PPM1H: variants seen among roughly 807,000 people sequenced by gnomAD.
PPM1H encodes the protein protein phosphatase, Mg2+/Mn2+ dependent 1H, also known as protein phosphatase 1H.
In PPM1H, 27 loss-of-function variants were observed where a neutral mutation model predicts 54.9. That is an observed-to-expected ratio of 0.49 (90% confidence interval 0.36 to 0.68). PPM1H has a LOEUF of 0.68. Ranked by LOEUF, PPM1H falls within the 30% of genes least tolerant of loss-of-function variation. The pLI, the probability that PPM1H is intolerant of heterozygous loss-of-function variation, is 0.00. For synonymous variants in PPM1H, 305 were observed against 270.8 expected (o/e 1.13, Z -1.24); for missense variants, 596 against 667.8 (o/e 0.89, Z 1.19).
intron 1 of PPM1H, among the ~76,000 whole-genome samples, chr12:62,885,800 T>G (rs1236431294): frequency 6.6e-6 from 1 of 152,262 alleles, no homozygotes; most frequent in East Asian, 1.9e-4. Flanking sequence ...TCATGTGCTG[T>G]GAATTAACAC....
intron 4 of PPM1H, among the ~76,000 whole-genome samples, chr12:62,773,474 CTAAAAATTTTTTTTAA>C (rs2076590715): frequency 6.6e-6 from 1 of 152,018 alleles, no homozygotes; most frequent in South Asian, 2.1e-4. Flanking sequence ...AACCCTGTCT[CTAAAAATTTTTTTTAA>C]TAAAAATTTT....
intron 8 of PPM1H, among the ~76,000 whole-genome samples, chr12:62,670,879 C>T (rs374290908): frequency 1.3e-5 from 2 of 152,190 alleles, no homozygotes; most frequent in South Asian, 2.1e-4. Flanking sequence ...GTTTCCTGCC[C>T]TTTAGCCAAT....
intron 4 of PPM1H, among the ~76,000 whole-genome samples, chr12:62,767,607 G>T (rs550599080): frequency 6.6e-6 from 1 of 152,296 alleles, no homozygotes; most frequent in African/African-American, 2.4e-5. Flanking sequence ...ATCCTGGTTT[G>T]TCAACTTCCA....
intron 1 of PPM1H, among the ~76,000 whole-genome samples, chr12:62,840,884 G>A (rs1156333670): frequency 5.9e-5 from 9 of 151,916 alleles, no homozygotes; most frequent in Admixed American, 5.9e-4. Flanking sequence ...GGGTTCTAGA[G>A]GACAAATGAC....
chr12:62,837,826 A>G (rs886357351), intron 1 of PPM1H, among the ~76,000 whole-genome samples: 2 of 152,200 alleles, frequency 1.3e-5, no homozygotes, highest in Non-Finnish European at 2.9e-5. Context: ...CATGCGAGTT[A>G]GAGGAGCATC....
chr12:62,742,677 G>C (rs555873667), intron 4 of PPM1H, among the ~76,000 whole-genome samples: 1 of 152,210 alleles, frequency 6.6e-6, no homozygotes, highest in Non-Finnish European at 1.5e-5. Context: ...TGGCTGCGAG[G>C]GTGCAGGAGA....
At chr12:62,737,229 A>C (rs1413329267) in intron 5 of PPM1H, among the ~76,000 whole-genome samples, 1 of 151,260 alleles carries the variant, frequency 6.6e-6, no homozygotes, top group Non-Finnish European at 1.5e-5. Flanking sequence ...AAAAAAAAAA[A>C]AAACAAAAAA....
At chr12:62,774,582 T>C (rs1179461797) in intron 4 of PPM1H, among the ~76,000 whole-genome samples, 1 of 152,172 alleles carries the variant, frequency 6.6e-6, no homozygotes, top group African/African-American at 2.4e-5. Flanking sequence ...ACTCAAATTA[T>C]TCTCCTGCTT....
chr12:62,830,197 G>T (rs1868335170), intron 2 of PPM1H, among the ~76,000 whole-genome samples: 1 of 152,066 alleles, frequency 6.6e-6, no homozygotes, highest in South Asian at 2.1e-4. Flanking sequence ...TTTCCAATCA[G>T]CCTCCTTCTA....
At chr12:62,794,401 T>TTTG (rs992415143) in intron 3 of PPM1H, among the ~76,000 whole-genome samples, 29 of 152,242 alleles carry the variant, frequency 1.9e-4, no homozygotes, top group Admixed American at 1.8e-3. Flanking sequence ...TCACCATGTA[T>TTTG]TTATAAGGTT....
chr12:62,780,560 C>T (rs2076636039), intron 4 of PPM1H, among the ~76,000 whole-genome samples: 1 of 152,188 alleles, frequency 6.6e-6, no homozygotes, highest in Admixed American at 6.5e-5. Context: ...CCTGCCTTGG[C>T]CTCCTAAAGT....
intron 1 of PPM1H, among the ~76,000 whole-genome samples, chr12:62,918,611 C>T (rs895659719): frequency 2.0e-5 from 3 of 151,964 alleles, no homozygotes; most frequent in African/African-American, 7.3e-5. Context: ...AGTATTTTTC[C>T]CAGAAAAATG....
At chr12:62,714,490 C>T (rs1334329083) in intron 6 of PPM1H, among the ~76,000 whole-genome samples, 1 of 152,168 alleles carries the variant, frequency 6.6e-6, no homozygotes, top group Non-Finnish European at 1.5e-5. Flanking sequence ...AAATAAAACA[C>T]TGCCATCTCT....
intron 1 of PPM1H, among the ~76,000 whole-genome samples, chr12:62,851,860 A>G (rs1258948156): frequency 6.6e-6 from 1 of 152,174 alleles, no homozygotes; most frequent in East Asian, 1.9e-4. Flanking sequence ...TTAATAAAGT[A>G]CTATGGACTG....
At chr12:62,671,421 T>G (rs1033561201) in intron 8 of PPM1H, among the ~76,000 whole-genome samples, 9 of 152,150 alleles carry the variant, frequency 5.9e-5, no homozygotes, top group African/African-American at 1.9e-4. Flanking sequence ...AGCTAAAAAA[T>G]GGGACCTGTG....
chr12:62,796,778 C>T (rs2076737005), intron 3 of PPM1H, among the ~76,000 whole-genome samples: 2 of 152,334 alleles, frequency 1.3e-5, no homozygotes, highest in South Asian at 2.1e-4. Context: ...CGCGCACACA[C>T]ACACACAAAT....
intron 2 of PPM1H, among the ~76,000 whole-genome samples, chr12:62,830,503 C>A (rs1448237125): frequency 1.2e-4 from 19 of 152,098 alleles, no homozygotes; most frequent in Admixed American, 1.2e-3. Context: ...GATCTGCCCG[C>A]CTTGGCCTCC....
chr12:62,906,548 C>T (rs1592665146), intron 1 of PPM1H, among the ~76,000 whole-genome samples: 2 of 152,150 alleles, frequency 1.3e-5, no homozygotes, highest in South Asian at 4.1e-4. Flanking sequence ...GTAGCAGGTG[C>T]TTCTCTCTAT....
chr12:62,702,190 C>T (rs1025939013), intron 6 of PPM1H, among the ~76,000 whole-genome samples: 1 of 152,054 alleles, frequency 6.6e-6, no homozygotes, highest in Non-Finnish European at 1.5e-5. Context: ...TTCAAGTTCC[C>T]CTTTATTATT....
Sources: allele counts gnomAD v4.1 joint callset (sites outside exome capture counted in the v4.1 genomes callset), GRCh38; gene constraint gnomAD v4.1.1; transcripts MANE v1.5; gene names NCBI Gene and HGNC (gene_info 2026-07-23, HGNC 2026-07-21).